BABAM2: variants seen among roughly 807,000 people sequenced by gnomAD.
BABAM2 encodes the protein BRISC and BRCA1 A complex member 2, also known as BRISC and BRCA1-A complex member 2.
BABAM2 carries 31 observed loss-of-function variants against 54.7 expected under a neutral mutation model. That is an observed-to-expected ratio of 0.57 (90% CI 0.43 to 0.77). BABAM2 has a LOEUF of 0.77. BABAM2 is among the 30% of genes least tolerant of loss of function. BABAM2 has a pLI of 0.00. For synonymous variants in BABAM2, 167 were observed against 162.9 expected, an observed-to-expected ratio of 1.03 and a Z score of -0.19; for missense variants, 364 against 455.8, an observed-to-expected ratio of 0.80 and a Z score of 1.83.
At chr2:28,189,326 T>C (rs1030616192) in intron 7 of BABAM2, among the ~76,000 whole-genome samples, 1 of 152,190 alleles carries the variant, frequency 6.6e-6, no homozygotes, top group Non-Finnish European at 1.5e-5. Context: ...AGATAAGACA[T>C]GTACAAGAAA....
chr2:28,050,273 A>G (rs1677901751), intron 6 of BABAM2, among the ~76,000 whole-genome samples: 1 of 152,252 alleles, frequency 6.6e-6, no homozygotes, highest in Non-Finnish European at 1.5e-5. Context: ...CTGTGCAAGA[A>G]CACTTCTATG....
chr2:28,306,450 C>T (rs547918779), intron 11 of BABAM2, among the ~76,000 whole-genome samples: 41 of 152,154 alleles, frequency 2.7e-4, no homozygotes, highest in Non-Finnish European at 3.7e-4. Flanking sequence ...ATAACTTGGT[C>T]CTTCTATCAT....
At chr2:28,314,956 G>A (rs1301205150) in intron 11 of BABAM2, among the ~76,000 whole-genome samples, 1 of 149,028 alleles carries the variant, frequency 6.7e-6, no homozygotes, top group East Asian at 2.0e-4. Flanking sequence ...GATAAGGCAG[G>A]AAAGAAAAGA....
In BABAM2 at chr2:28,172,823, G is replaced by GT. The variant is rs1203770099; in HGVS notation, c.680+43444dup. ...CAGCCTTAAAAATCTATAACCTTGTGTATTAGTCAGCTCAGGCTGCCATAA... is the reference window on the plus strand; with the variant it reads ...CAGCCTTAAAAATCTATAACCTTGTGTTATTAGTCAGCTCAGGCTGCCATAA... On this transcript the variant is annotated intron_variant, in intron 7 of 11. Coordinates refer to ENST00000379624, the MANE Select transcript of BABAM2 (RefSeq NM_199191.3). Among the ~76,000 whole-genome samples the GT allele has an allele frequency of 2.0e-5, 3 of 152,316 alleles. No individual in the cohort carries two copies. In the East Asian group the frequency reaches 5.8e-4, roughly 29 times the overall value.
At chr2:28,227,072 G>C (rs989511133) in intron 7 of BABAM2, among the ~76,000 whole-genome samples, 1 of 152,062 alleles carries the variant, frequency 6.6e-6, no homozygotes, top group African/African-American at 2.4e-5. Context: ...ATAACATTTA[G>C]AATTTGTTAG....
chr2:28,043,455 T>C (rs1677295038), intron 5 of BABAM2, among the ~76,000 whole-genome samples: 1 of 152,152 alleles, frequency 6.6e-6, no homozygotes, highest in Admixed American at 6.5e-5. Context: ...TTATGAGTGG[T>C]CCTTCTTCTG....
At chr2:28,055,470 A>G (rs1243476087) in intron 6 of BABAM2, among the ~76,000 whole-genome samples, 2 of 152,234 alleles carry the variant, frequency 1.3e-5, no homozygotes, top group Non-Finnish European at 2.9e-5. Flanking sequence ...TATGTTTACT[A>G]CTTAATTTTT....
chr2:28,108,357 G>A (rs1667708161), intron 6 of BABAM2, among the ~76,000 whole-genome samples: 1 of 152,164 alleles, frequency 6.6e-6, no homozygotes, highest in African/African-American at 2.4e-5. Context: ...CTGGAGAATT[G>A]CAACTTGCTA....
At position 28,040,522 on chromosome 2, in the gene BABAM2, G is replaced by A. The variant is rs550053328; in HGVS notation, c.496-5203G>A. Among the ~76,000 whole-genome samples the A allele has an allele frequency of 4.0e-5, 6 of 151,536 alleles. No homozygotes were observed. The South Asian group carries it at 1.3e-3, about 32-fold the overall frequency. On this transcript the variant is annotated intron_variant, in intron 5 of 11. Transcript: ENST00000379624. ...TCACCGTTTTAGCCGGGATGGTCTC[G>A]ATCTCCTGACCTCGTGATCCGCCCG...
In BABAM2 at chr2:28,025,437, A is replaced by C. The variant is rs1167502805; in HGVS notation, c.495+17A>C. The C allele has an allele frequency of 5.2e-6, 8 of 1,547,744 alleles. No homozygotes were observed. The highest frequency in any genetic ancestry group is 6.9e-6 in the Non-Finnish European group (8 of 1,153,360). On this transcript the variant is annotated intron_variant, in intron 5 of 11. Transcript: ENST00000379624. ...AACAACTGGGTAAGGATTTTTGAGAATGGAAAAAAAGATGACTTCATCCAT... is the reference window on the plus strand; with the variant it reads ...AACAACTGGGTAAGGATTTTTGAGACTGGAAAAAAAGATGACTTCATCCAT...
intron 2 of BABAM2, among the ~76,000 whole-genome samples, chr2:27,917,116 C>A (rs1667032713): frequency 6.7e-6 from 1 of 148,236 alleles, no homozygotes; most frequent in Non-Finnish European, 1.5e-5. Context: ...CTCCTGGGTT[C>A]AAGCGATTTT....
intron 10 of BABAM2, among the ~76,000 whole-genome samples, chr2:28,248,732 G>C (rs1345824062): frequency 6.6e-6 from 1 of 152,196 alleles, no homozygotes; most frequent in Non-Finnish European, 1.5e-5. Context: ...ATGACAAGCT[G>C]TCTTTTTCCA....
At chr2:28,094,266 T>C (rs1386860416) in intron 6 of BABAM2, among the ~76,000 whole-genome samples, 1 of 152,172 alleles carries the variant, frequency 6.6e-6, no homozygotes, top group African/African-American at 2.4e-5. Context: ...AAATGCTTTA[T>C]TCAGAGATGT....
At chr2:28,295,467 A>G (rs1390898305) in intron 10 of BABAM2, among the ~76,000 whole-genome samples, 1 of 152,162 alleles carries the variant, frequency 6.6e-6, no homozygotes, top group African/African-American at 2.4e-5. Flanking sequence ...TGTACATAGT[A>G]TAAAACAACT....
At chr2:28,292,697 G>A (rs1339306063) in intron 10 of BABAM2, among the ~76,000 whole-genome samples, 1 of 152,134 alleles carries the variant, frequency 6.6e-6, no homozygotes, top group Non-Finnish European at 1.5e-5. Flanking sequence ...TGAGATGGGG[G>A]CTTCTCCTTA....
chr2:28,168,783 T>G (rs906641293), intron 7 of BABAM2, among the ~76,000 whole-genome samples: 1 of 152,178 alleles, frequency 6.6e-6, no homozygotes, highest in African/African-American at 2.4e-5. Context: ...AATTAGTGTC[T>G]TCACAGTTTT....
At chr2:27,895,420 C>A (rs992537229) in intron 2 of BABAM2, among the ~76,000 whole-genome samples, 14 of 152,144 alleles carry the variant, frequency 9.2e-5, no homozygotes, top group Non-Finnish European at 1.9e-4. Flanking sequence ...AAATGTGCAT[C>A]CACATGGGTT....
Position 28,092,046 on chromosome 2 carries a change from A to G in BABAM2, c.571-37225A>G, listed in dbSNP as rs184624049. 2.7e-3 allele frequency among the ~76,000 whole-genome samples: 411 copies of G among 152,288 alleles called. 2 individuals are homozygous for G. Among genetic ancestry groups the G allele is most frequent in the Middle Eastern group, 3.4e-3 (1 of 294 alleles). On this transcript the variant is annotated intron_variant, in intron 6 of 11. Transcript: ENST00000379624. ...TTGCAAGAATAGAAAATTACAAACC[A>G]TTATACCTCGTGAATGAGCACATAG...
At chr2:27,946,997 T>A (rs980035599) in intron 3 of BABAM2, among the ~76,000 whole-genome samples, 2 of 152,158 alleles carry the variant, frequency 1.3e-5, no homozygotes, top group Non-Finnish European at 2.9e-5. Flanking sequence ...TTGATGAATC[T>A]AGCTAGAAGA....
Sources: gnomAD v4.1 joint callset for allele counts (sites outside exome capture counted in the v4.1 genomes callset) on GRCh38, gnomAD v4.1.1 for gene constraint, MANE v1.5 for transcripts, NCBI Gene and HGNC (gene_info 2026-07-23, HGNC 2026-07-21) for gene names.